The following GLG1 variants were observed in gnomAD, a reference collection of about 807,000 sequenced individuals.
The protein encoded by GLG1 is Golgi apparatus protein 1.
A neutral mutation model predicts 160.5 loss-of-function variants in GLG1; 38 were observed. That is an observed-to-expected ratio of 0.24 (90% CI 0.18 to 0.31). The LOEUF (loss-of-function observed/expected upper bound fraction) is 0.31, where lower values mean the gene tolerates loss of function less well. Among genes scored for constraint, GLG1 ranks in the 10% least tolerant of loss-of-function variants. The pLI is 1.00. For missense variants in GLG1, 1,373 were observed against 1,505.2 expected, an observed-to-expected ratio of 0.91 and a Z score of 1.45; for synonymous variants, 644 against 543.4, an observed-to-expected ratio of 1.19 and a Z score of -2.57.
chr16:74,552,638 G>A (rs2018234170), intron 1 of GLG1: 1 of 192,234 alleles, frequency 5.2e-6, no homozygotes. Flanking sequence ...CACAGACAGA[G>A]TGCTGTGTCC....
chr16:74,501,784 T>C (rs1214372885), intron 4 of GLG1, among the ~76,000 whole-genome samples: 9 of 152,260 alleles, frequency 5.9e-5, no homozygotes, highest in Non-Finnish European at 1.2e-4. Flanking sequence ...TCAGAAGAGC[T>C]TCCTGAATCA....
At position 74,451,146 on chromosome 16, in the gene GLG1, G is replaced by A. The variant is rs1286232109; in HGVS notation, c.*2021C>T. ...AGGCCTCAGCGGCCCCCAGCCCCCA[G>A]GGGAACCTGCAGAGACTCTCGGGCC... On this transcript the variant is annotated 3_prime_UTR_variant, in exon 26 of 26. Coordinates refer to ENST00000422840, the MANE Select transcript of GLG1 (RefSeq NM_001145667.2). The A allele has an allele frequency of 6.6e-6, 1 of 152,450 alleles. No individual in the cohort carries two copies. Among genetic ancestry groups the A allele is most frequent in the African/African-American group, 2.4e-5 (1 of 41,444 alleles). The allele number at this position is 152,450 out of a possible 1,614,324, so 9.4% of individuals were successfully genotyped here.
At chr16:74,534,252 A>C (rs1361540184) in intron 1 of GLG1, among the ~76,000 whole-genome samples, 1 of 151,692 alleles carries the variant, frequency 6.6e-6, no homozygotes, top group East Asian at 1.9e-4. Context: ...ACCTAGCTTA[A>C]CTCTGTTCCC....
Position 74,470,019 on chromosome 16 carries a change from C to T in GLG1, c.2284G>A (p.Asp762Asn). 3 of 1,608,884 alleles carry T rather than the reference C, an allele frequency of 1.9e-6. No individual in the cohort carries two copies. Among genetic ancestry groups the T allele is most frequent in the Non-Finnish European group, 2.6e-6 (3 of 1,175,204 alleles). Residue 762 changes from aspartate (D) to asparagine (N), a missense_variant, in exon 16 of 26, where the codon GAC (aspartate) becomes AAC (asparagine). By Grantham distance (23) the Asp-to-Asn change is conservative. Coordinates refer to ENST00000422840, the MANE Select transcript of GLG1 (RefSeq NM_001145667.2). ...ATGTTTGGGCAAAGCTTCAACACGT[C>T]CTCCTTGCAGGCCATTTTAAACTTG... ...SYKFKMACKE[D>N]VLKLCPNIKK... is the part of the protein sequence containing the mutation.
Position 74,493,078 on chromosome 16 carries a change from T to C in GLG1, c.1113A>G (p.Ser371=), listed in dbSNP as rs1301676472. The part of the protein sequence containing the change: ...LIAQDYKVSY[S]LAKSCKSDLK... ...AGTCACTTTTACAGGATTTGGCCAA[T>C]GAATAACTGACTTTATAATCCTGGG... Residue 371 remains serine, a synonymous_variant, in exon 7 of 26, where the codon TCA becomes TCG. Coordinates refer to ENST00000422840, the MANE Select transcript of GLG1 (RefSeq NM_001145667.2). 8 of 1,613,458 alleles carry C rather than the reference T, an allele frequency of 5.0e-6. No homozygotes were observed. Among genetic ancestry groups the C allele is most frequent in the Middle Eastern group, 1.6e-4 (1 of 6,084 alleles).
intron 4 of GLG1, among the ~76,000 whole-genome samples, chr16:74,500,221 A>C (rs2016356373): frequency 6.6e-6 from 1 of 152,220 alleles, no homozygotes; most frequent in South Asian, 2.1e-4. Flanking sequence ...AGTGAGGTGA[A>C]CTACACACCT....
At position 74,597,874 on chromosome 16, in the gene GLG1, G is replaced by A. The variant is rs1325144064; in HGVS notation, c.438+8783C>T. Among the ~76,000 whole-genome samples the A allele has an allele frequency of 1.4e-5, 2 of 144,000 alleles. 1 individual carries two copies. The highest frequency in any genetic ancestry group is 4.1e-4 in the East Asian group (2 of 4,916). The allele number at this position is 144,000 out of a possible 152,430, so 94.5% of individuals were successfully genotyped here. A position where few individuals can be genotyped will look rare whatever the true frequency, so the allele number is the denominator to read the frequency against. On this transcript the variant is annotated intron_variant, in intron 1 of 25. Coordinates refer to ENST00000422840, the MANE Select transcript of GLG1 (RefSeq NM_001145667.2). The stretch of plus-strand genomic sequence containing the variant: ...CTCAAAAAAAAAAAAAAAAAAGCTG[G>A]ACATGGTGGTGTGTACCTGTAGTCC...
At chr16:74,583,442 G>A (rs1482095335) in intron 1 of GLG1, among the ~76,000 whole-genome samples, 5 of 152,132 alleles carry the variant, frequency 3.3e-5, no homozygotes, top group Admixed American at 1.3e-4. Context: ...GTGCAATAGC[G>A]TGATCTTGGC....
intron 9 of GLG1, 72 bp from the exon 10 acceptor site, chr16:74,483,196 T>C (rs2015668844): frequency 1.1e-6 from 1 of 887,558 alleles, no homozygotes; most frequent in South Asian, 1.4e-5. Flanking sequence ...AGTATTTCCC[T>C]GGTCTGTAGA....
intron 1 of GLG1, among the ~76,000 whole-genome samples, chr16:74,539,576 T>C (rs1451236869): frequency 2.0e-5 from 3 of 151,108 alleles, no homozygotes; most frequent in African/African-American, 7.3e-5. Context: ...GGTATAAATA[T>C]ACTGACAGGA....
At chr16:74,568,678 A>G (rs2018730870) in intron 1 of GLG1, among the ~76,000 whole-genome samples, 1 of 151,926 alleles carries the variant, frequency 6.6e-6, no homozygotes. Context: ...TCGGCCTCCC[A>G]AAGTGCTGGG....
intron 1 of GLG1, among the ~76,000 whole-genome samples, chr16:74,584,163 A>T (rs1957996286): frequency 6.6e-6 from 1 of 152,104 alleles, no homozygotes. Context: ...ATGTTTATAG[A>T]CCTCCTAGTT....
intron 1 of GLG1, among the ~76,000 whole-genome samples, chr16:74,555,726 C>T (rs1216593573): frequency 2.6e-5 from 4 of 151,874 alleles, no homozygotes; most frequent in Non-Finnish European, 5.9e-5. Context: ...AGAAAAGAAA[C>T]ATGCTGGGTT....
At position 74,481,465 on chromosome 16, in the gene GLG1, C is replaced by CT. The variant is rs905746085; in HGVS notation, c.1674-1072dup. 2.6e-3 allele frequency among the ~76,000 whole-genome samples: 389 copies of CT among 148,152 alleles called. 1 individual carries two copies. Among genetic ancestry groups the CT allele is most frequent in the African/African-American group, 8.2e-3 (333 of 40,434 alleles). The stretch of plus-strand genomic sequence containing the variant: ...ATATTTAATGAGTAACTATGCAGCA[C>CT]TTTTTTTTTTATTATGGGGGAAGGA... On this transcript the variant is annotated intron_variant, in intron 10 of 25. Coordinates refer to ENST00000422840, the MANE Select transcript of GLG1 (RefSeq NM_001145667.2).
chr16:74,578,908 A>ACAAGAT (rs2143812412), intron 1 of GLG1, among the ~76,000 whole-genome samples: 1 of 152,320 alleles, frequency 6.6e-6, no homozygotes, highest in South Asian at 2.1e-4. Context: ...GTAATCTTTA[A>ACAAGAT]CAAGATGAAA....
chr16:74,471,703 T>A (rs1309612722), intron 14 of GLG1, among the ~76,000 whole-genome samples: 2 of 152,176 alleles, frequency 1.3e-5, no homozygotes, highest in Non-Finnish European at 2.9e-5. Context: ...GAGCCACTAT[T>A]ACTGCTAACA....
At chr16:74,522,510 C>T (rs978307829) in intron 2 of GLG1, among the ~76,000 whole-genome samples, 1 of 152,182 alleles carries the variant, frequency 6.6e-6, no homozygotes. Context: ...ATTCAGACGT[C>T]ATCTTTGAGA....
intron 25 of GLG1, among the ~76,000 whole-genome samples, chr16:74,453,714 T>C (rs959176223): frequency 3.9e-5 from 6 of 152,194 alleles, no homozygotes; most frequent in Admixed American, 1.3e-4. Context: ...ATACTCTGGA[T>C]GGAGAATCAG....
chr16:74,455,474 T>G (rs528623950), intron 25 of GLG1, among the ~76,000 whole-genome samples: 25 of 152,316 alleles, frequency 1.6e-4, no homozygotes, highest in African/African-American at 6.0e-4. Context: ...CAGCATCTCC[T>G]GCTGCCGCTT....
Sources: allele counts gnomAD v4.1 joint callset (sites outside exome capture counted in the v4.1 genomes callset), GRCh38; gene constraint gnomAD v4.1.1; transcripts MANE v1.5; gene names NCBI Gene and HGNC (gene_info 2026-07-23, HGNC 2026-07-21).